LIMA1: variants seen among roughly 807,000 people sequenced by gnomAD.
LIMA1 encodes the protein LIM domain and actin binding 1.
In LIMA1, 52 loss-of-function variants were observed where a neutral mutation model predicts 62.6. The observed-to-expected ratio is 0.83, with a 90% CI of 0.67 to 1.05. The LOEUF (loss-of-function observed/expected upper bound fraction) is 1.05, where lower values mean the gene tolerates loss of function less well. Ranked by LOEUF, LIMA1 falls within the 50% of genes least tolerant of loss-of-function variation. LIMA1 has a pLI of 0.00. For synonymous variants in LIMA1, 302 were observed against 317.8 expected, an observed-to-expected ratio of 0.95 and a Z score of 0.53; for missense variants, 780 against 902.2, an observed-to-expected ratio of 0.86 and a Z score of 1.74.
intron 4 of LIMA1, among the ~76,000 whole-genome samples, chr12:50,213,157 G>A (rs1321309513): frequency 6.6e-6 from 1 of 152,158 alleles, no homozygotes; most frequent in Non-Finnish European, 1.5e-5. Context: ...TAACTCCAGT[G>A]CTTTCATTCA....
Position 50,204,697 on chromosome 12 carries a change from T to A in LIMA1, c.719A>T (p.Gln240Leu). The A allele has an allele frequency of 6.2e-7, 1 of 1,614,090 alleles. No individual in the cohort carries two copies. Among genetic ancestry groups the A allele is most frequent in the East Asian group, 2.2e-5 (1 of 44,886 alleles). The change falls in exon 6 of 11, where the codon CAG (glutamine) becomes CTG (leucine). Residue 240 changes from glutamine to leucine, a missense_variant. Physicochemically the swap from Gln to Leu is moderately radical, Grantham distance 113 (BLOSUM62 -2). Transcript: ENST00000341247. Reference sequence around the variant, plus strand: ...CGAGTCAAATGTAGAAGATGACAACTGACCTGGAAGCATCCAAATAACATG... The same window carrying A: ...CGAGTCAAATGTAGAAGATGACAACAGACCTGGAAGCATCCAAATAACATG... ...SLDDLEIGPG[Q>L]LSSSTFDSEK...
chr12:50,223,040 G>A (rs1941473967), intron 3 of LIMA1, among the ~76,000 whole-genome samples: 1 of 152,074 alleles, frequency 6.6e-6, no homozygotes, highest in South Asian at 2.1e-4. Context: ...GAACCCTGGA[G>A]AAGTCCCCAG....
intron 6 of LIMA1, chr12:50,204,275 G>A (rs1941110277): frequency 3.2e-6 from 1 of 316,694 alleles, no homozygotes; most frequent in Non-Finnish European, 5.7e-6. Context: ...ACAACACAAA[G>A]ATTAAGTAGA....
At chr12:50,200,020 A>G (rs1762098827) in intron 7 of LIMA1, among the ~76,000 whole-genome samples, 1 of 151,648 alleles carries the variant, frequency 6.6e-6, no homozygotes, top group Admixed American at 6.6e-5. Flanking sequence ...CAGCCTCCTG[A>G]GTATCTGGGA....
chr12:50,193,634 G>A (rs1940852016), intron 8 of LIMA1, among the ~76,000 whole-genome samples: 3 of 60,638 alleles, frequency 4.9e-5, no homozygotes, highest in South Asian at 6.3e-4. Context: ...ATATATACGT[G>A]TGTGTGTGTG....
At chr12:50,202,165 A>G (rs948778665) in intron 6 of LIMA1, 3 of 152,258 alleles carry the variant, frequency 2.0e-5, no homozygotes, top group African/African-American at 7.2e-5. Flanking sequence ...ACTGCAGAAC[A>G]TTATATAGCC....
At chr12:50,235,802 C>T (rs1393368882) in intron 2 of LIMA1, among the ~76,000 whole-genome samples, 2 of 152,060 alleles carry the variant, frequency 1.3e-5, no homozygotes, top group Non-Finnish European at 2.9e-5. Context: ...AAATTAATTT[C>T]CCTAGAATAT....
At chr12:50,235,709 T>C (rs1251904117) in intron 2 of LIMA1, among the ~76,000 whole-genome samples, 9 of 152,140 alleles carry the variant, frequency 5.9e-5, no homozygotes, top group Non-Finnish European at 1.0e-4. Context: ...TCGTTGACCA[T>C]AACTAGGAAG....
At chr12:50,200,706 T>A in intron 7 of LIMA1, 71 bp downstream of exon 7, 1 of 1,503,288 alleles carries the variant, frequency 6.7e-7, no homozygotes, top group Non-Finnish European at 9.2e-7. Context: ...GTTAGAGTTG[T>A]TTCTAATTTC....
chr12:50,195,080 G>A (rs893363700), intron 8 of LIMA1, among the ~76,000 whole-genome samples: 3 of 151,966 alleles, frequency 2.0e-5, no homozygotes, highest in Non-Finnish European at 4.4e-5. Context: ...GTGTGTGCCT[G>A]TAGTCCTAGC....
intron 8 of LIMA1, among the ~76,000 whole-genome samples, chr12:50,194,417 G>A (rs543574348): frequency 6.6e-6 from 1 of 151,040 alleles, no homozygotes; most frequent in Admixed American, 6.6e-5. Flanking sequence ...CTGCCTCAGT[G>A]TCCTGAGTAG....
At chr12:50,245,509 G>A (rs1941835853) in intron 2 of LIMA1, among the ~76,000 whole-genome samples, 1 of 151,826 alleles carries the variant, frequency 6.6e-6, no homozygotes, top group Non-Finnish European at 1.5e-5. Flanking sequence ...ATCCTTTAAT[G>A]AGGACACCAT....
intron 2 of LIMA1, among the ~76,000 whole-genome samples, chr12:50,236,856 T>C (rs1186770809): frequency 6.6e-6 from 1 of 151,988 alleles, no homozygotes; most frequent in Admixed American, 6.6e-5. Flanking sequence ...GGCGATAGGA[T>C]TGCTTGAGGT....
At chr12:50,259,058 T>A (rs562437179) in intron 1 of LIMA1, among the ~76,000 whole-genome samples, 1 of 152,224 alleles carries the variant, frequency 6.6e-6, no homozygotes, top group African/African-American at 2.4e-5. Context: ...CTTTCTCTGA[T>A]AGTAAAAAGC....
At chr12:50,210,139 G>T (rs1467140217) in intron 4 of LIMA1, among the ~76,000 whole-genome samples, 5 of 152,026 alleles carry the variant, frequency 3.3e-5, no homozygotes, top group Non-Finnish European at 7.4e-5. Context: ...AAAACCAAAA[G>T]GGGCCGGGTG....
chr12:50,177,114 C>T lies in LIMA1; in HGVS notation c.2230G>A (p.Glu744Lys), dbSNP rs751517344. The change falls in exon 11 of 11, where the codon GAA (glutamate) becomes AAA (lysine). Residue 744 changes from glutamate (E) to lysine (K), a missense_variant. Coordinates refer to ENST00000341247, the MANE Select transcript of LIMA1 (RefSeq NM_016357.5). ...GEVVKELSVEEQIKRNRYYDE... is the reference protein window; with the variant it reads ...GEVVKELSVEKQIKRNRYYDE... ...TAATACCGATTTCTCTTTATCTGTT[C>T]TTCCACAGAGAGCTCTTTGACCACT... The T allele has an allele frequency of 3.1e-6, 5 of 1,606,980 alleles. No individual in the cohort carries two copies. Among genetic ancestry groups the T allele is most frequent in the Non-Finnish European group, 4.2e-6 (5 of 1,177,560 alleles).
intron 4 of LIMA1, among the ~76,000 whole-genome samples, chr12:50,214,044 A>ACACACACACACACACACACACACACACG (rs796917407): frequency 4.0e-4 from 60 of 150,984 alleles, no homozygotes; most frequent in African/African-American, 1.4e-3. Flanking sequence ...ACACACACAC[A>ACACACACACACACACACACACACACACG]CACACACGAG....
At chr12:50,272,276 C>A (rs142049742) in intron 1 of LIMA1, among the ~76,000 whole-genome samples, 14 of 151,918 alleles carry the variant, frequency 9.2e-5, no homozygotes, top group African/African-American at 3.1e-4. Context: ...TAGGCAAGTT[C>A]TTTAATCCTT....
intron 4 of LIMA1, among the ~76,000 whole-genome samples, chr12:50,208,418 G>T (rs964787779): frequency 5.1e-4 from 77 of 152,166 alleles, no homozygotes; most frequent in African/African-American, 1.8e-3. Context: ...CCCAGGAGGC[G>T]GAGGTTGCAG....
Sources: gnomAD v4.1 joint callset for allele counts (sites outside exome capture counted in the v4.1 genomes callset) on GRCh38, gnomAD v4.1.1 for gene constraint, MANE v1.5 for transcripts, NCBI Gene and HGNC (gene_info 2026-07-23, HGNC 2026-07-21) for gene names.